SYNPR: variants seen among roughly 807,000 people sequenced by gnomAD.
SYNPR encodes the protein synaptoporin.
A neutral mutation model predicts 32.9 loss-of-function variants in SYNPR; 23 were observed. The ratio of observed to expected loss-of-function variants is 0.70; its 90% CI spans 0.50 to 0.99. SYNPR has a LOEUF of 0.99. SYNPR is among the 50% of genes least tolerant of loss of function. The probability of loss-of-function intolerance (pLI) is 0.00; values close to 1 mark genes in which losing one functional copy is unlikely to be tolerated. For synonymous variants in SYNPR, 146 were observed against 135.9 expected, an observed-to-expected ratio of 1.07 and a Z score of -0.52; for missense variants, 318 against 349.3, an observed-to-expected ratio of 0.91 and a Z score of 0.71.
chr3:63,347,144 C>T (rs756116728), intron 2 of SYNPR, among the ~76,000 whole-genome samples: 42 of 152,228 alleles, frequency 2.8e-4, no homozygotes, highest in Non-Finnish European at 5.1e-4. Flanking sequence ...TAGTTTATAT[C>T]AATTATTTTA....
chr3:63,423,183 T>C (rs1420222362), intron 2 of SYNPR, among the ~76,000 whole-genome samples: 1 of 152,150 alleles, frequency 6.6e-6, no homozygotes, highest in East Asian at 1.9e-4. Context: ...GGGAATAAAA[T>C]TGGAGACAGA....
chr3:63,207,642 G>A, the SYNPR span, among the ~76,000 whole-genome samples: 1 of 151,998 alleles, frequency 6.6e-6, no homozygotes, highest in Non-Finnish European at 1.5e-5. Context: ...GCTCTACAAG[G>A]AACAGAACTC....
intron 3 of SYNPR, among the ~76,000 whole-genome samples, chr3:63,521,948 A>T (rs1701923699): frequency 6.6e-6 from 1 of 152,190 alleles, no homozygotes; most frequent in Non-Finnish European, 1.5e-5. Flanking sequence ...ACCAGAGGAC[A>T]AAAGAGCAGG....
At chr3:63,563,903 A>G (rs1702736907) in intron 4 of SYNPR, among the ~76,000 whole-genome samples, 1 of 151,886 alleles carries the variant, frequency 6.6e-6, no homozygotes. Flanking sequence ...AATAAAAAAT[A>G]AAAATAAAAA....
intron 2 of SYNPR, among the ~76,000 whole-genome samples, chr3:63,419,311 T>A (rs1451231647): frequency 1.3e-5 from 2 of 152,158 alleles, no homozygotes; most frequent in Non-Finnish European, 2.9e-5. Flanking sequence ...CCATCAAAAC[T>A]GAACTAGGAC....
rs11390803 is a variant in SYNPR, at chr3:63,460,572, C to CAAAA, written c.85-20240_85-20237dup. 1.0e-2 allele frequency among the ~76,000 whole-genome samples: 456 copies of CAAAA among 45,696 alleles called. 60 individuals carry two copies. Among genetic ancestry groups the CAAAA allele is most frequent in the African/African-American group, 0.038 (413 of 10,994 alleles). The allele number at this position is 45,696 out of a possible 152,430, so 30.0% of individuals were successfully genotyped here. Reference sequence around the variant, plus strand: ...ACAGCATAGGTGAGGATTGGTAGACCAAAAAAAAAAAAAAAAAAAAAAAGC... The same window carrying CAAAA: ...ACAGCATAGGTGAGGATTGGTAGACCAAAAAAAAAAAAAAAAAAAAAAAAAAAGC... On this transcript the variant is annotated intron_variant, in intron 2 of 5. Transcript: ENST00000478300.
intron 2 of SYNPR, among the ~76,000 whole-genome samples, chr3:63,355,048 G>A (rs561724476): frequency 1.3e-5 from 2 of 152,252 alleles, no homozygotes; most frequent in South Asian, 4.1e-4. Context: ...GGAGGCCAAG[G>A]CAGGTGGATC....
the SYNPR span, among the ~76,000 whole-genome samples, chr3:63,201,738 A>C: frequency 3.4e-4 from 51 of 152,226 alleles, no homozygotes; most frequent in East Asian, 7.3e-3. Flanking sequence ...AAAAAATTAC[A>C]CCAAAAATAA....
At chr3:63,529,526 T>C (rs1282381786) in intron 3 of SYNPR, among the ~76,000 whole-genome samples, 1 of 152,176 alleles carries the variant, frequency 6.6e-6, no homozygotes. Context: ...CCGTGCTCCA[T>C]ACCACAGAAG....
At chr3:63,297,982 C>G (rs1433940487) in intron 2 of SYNPR, among the ~76,000 whole-genome samples, 1 of 152,108 alleles carries the variant, frequency 6.6e-6, no homozygotes, top group Admixed American at 6.5e-5. Flanking sequence ...ACCTTGCGAC[C>G]TCTGGCCGTA....
chr3:63,538,469 A>C (rs1440534121), intron 3 of SYNPR, among the ~76,000 whole-genome samples: 1 of 151,886 alleles, frequency 6.6e-6, no homozygotes, highest in Non-Finnish European at 1.5e-5. Context: ...CCTTCCTCCA[A>C]CTAGTATTTT....
At chr3:63,367,662 G>A (rs1354537213) in intron 2 of SYNPR, among the ~76,000 whole-genome samples, 1 of 152,008 alleles carries the variant, frequency 6.6e-6, no homozygotes, top group Non-Finnish European at 1.5e-5. Flanking sequence ...ATCTGGCCTT[G>A]AATTATAATT....
At chr3:63,610,342 T>C in intron 5 of SYNPR, 1 of 455,016 alleles carries the variant, frequency 2.2e-6, no homozygotes, top group Non-Finnish European at 3.9e-6. Flanking sequence ...GAGAAATACA[T>C]AAGCTATAAT....
At chr3:63,291,425 C>T (rs1400372684) in intron 2 of SYNPR, among the ~76,000 whole-genome samples, 1 of 152,066 alleles carries the variant, frequency 6.6e-6, no homozygotes, top group Non-Finnish European at 1.5e-5. Context: ...GTCCTCAAAC[C>T]CAGAAAATTA....
intron 1 of SYNPR, among the ~76,000 whole-genome samples, chr3:63,238,073 TG>T (rs1342803261): frequency 6.6e-6 from 1 of 152,094 alleles, no homozygotes; most frequent in Non-Finnish European, 1.5e-5. Context: ...GGTCAGGGGT[TG>T]GGATATGATG....
intron 2 of SYNPR, among the ~76,000 whole-genome samples, chr3:63,356,285 C>A (rs934614875): frequency 6.6e-6 from 1 of 152,208 alleles, no homozygotes. Context: ...ATCCTGGGAT[C>A]AGAAGGCATC....
chr3:63,319,642 G>A (rs1288266039), intron 2 of SYNPR, among the ~76,000 whole-genome samples: 1 of 151,364 alleles, frequency 6.6e-6, no homozygotes, highest in African/African-American at 2.4e-5. Flanking sequence ...TAAGAAAATG[G>A]AAAAATAGTC....
chr3:63,533,418 G>A (rs1268678957), intron 3 of SYNPR, among the ~76,000 whole-genome samples: 4 of 152,108 alleles, frequency 2.6e-5, no homozygotes, highest in African/African-American at 4.8e-5. Flanking sequence ...CAACAAAAAC[G>A]TGCATATGGA....
intron 2 of SYNPR, among the ~76,000 whole-genome samples, chr3:63,282,631 T>A (rs922069228): frequency 7.4e-5 from 11 of 149,144 alleles, no homozygotes; most frequent in Non-Finnish European, 1.6e-4. Context: ...TACAGTGAGC[T>A]GTGGTCACTT....
Sources: gnomAD v4.1 joint callset for allele counts (sites outside exome capture counted in the v4.1 genomes callset) on GRCh38, gnomAD v4.1.1 for gene constraint, MANE v1.5 for transcripts, NCBI Gene and HGNC (gene_info 2026-07-23, HGNC 2026-07-21) for gene names.